F8: variants seen among roughly 807,000 people sequenced by gnomAD.
The protein encoded by F8 is coagulation factor VIII.
In F8, 12 loss-of-function variants were observed where a neutral mutation model predicts 140.6. The ratio of observed to expected loss-of-function variants is 0.09; its 90% confidence interval spans 0.05 to 0.14. The LOEUF (loss-of-function observed/expected upper bound fraction) is 0.14, where lower values mean the gene tolerates loss of function less well. F8 is among the 10% of genes least tolerant of loss of function. The probability of loss-of-function intolerance (pLI) is 1.00; values close to 1 mark genes in which losing one functional copy is unlikely to be tolerated. For missense variants in F8, 1,354 were observed against 1,720.7 expected, an observed-to-expected ratio of 0.79 and a Z score of 3.77; for synonymous variants, 585 against 614.6, an observed-to-expected ratio of 0.95 and a Z score of 0.71.
intron 5 of F8, among the ~76,000 whole-genome samples, chrX:154,986,779 C>A (rs1259316903): frequency 1.8e-5 from 2 of 110,964 alleles, no homozygotes; most frequent in Non-Finnish European, 3.8e-5. Context: ...GAGGAAGAGG[C>A]GGAGGTACTA....
intron 13 of F8, among the ~76,000 whole-genome samples, chrX:154,939,457 A>T (rs782163968): frequency 1.1e-3 from 123 of 112,448 alleles, no homozygotes; most frequent in African/African-American, 3.8e-3. Context: ...AGGTGGCAGC[A>T]AGGCTGGGGG....
Position 154,911,462 on chromosome X carries a change from C to A in F8, c.5220-4889G>T, listed in dbSNP as rs57179414. ...ATGTAAGTGAAAACGTGATATTTGT[C>A]TTTCTATGCCTGGCTTATTTCACTT... On this transcript the variant is annotated intron_variant, in intron 14 of 25. Coordinates refer to ENST00000360256, the MANE Select transcript of F8 (RefSeq NM_000132.4). Among the ~76,000 whole-genome samples the A allele has an allele frequency of 2.8e-3, 313 of 110,785 alleles. 3 individuals are homozygous for A. Among genetic ancestry groups the A allele is most frequent in the African/African-American group, 9.8e-3 (297 of 30,417 alleles).
At chrX:154,843,028 C>T (rs150693271) in intron 25 of F8, among the ~76,000 whole-genome samples, 95 of 111,474 alleles carry the variant, frequency 8.5e-4, no homozygotes, top group African/African-American at 2.8e-3. Flanking sequence ...TTCCCACCTA[C>T]GAGTGAGAAC....
chrX:154,907,919 T>C, intron 14 of F8, among the ~76,000 whole-genome samples: 1 of 111,802 alleles, frequency 8.9e-6, no homozygotes, highest in Non-Finnish European at 1.9e-5. Context: ...CTTTTCATTG[T>C]TTTTATGTTA....
chrX:154,881,824 C>T (rs2072864161), intron 22 of F8, among the ~76,000 whole-genome samples: 1 of 112,786 alleles, frequency 8.9e-6, no homozygotes, highest in African/African-American at 3.3e-5. Context: ...ACATCGTACT[C>T]AAAGTTCTAG....
At chrX:154,877,501 C>CT (rs367830915) in intron 22 of F8, among the ~76,000 whole-genome samples, 6 of 109,988 alleles carry the variant, frequency 5.5e-5, no homozygotes, top group Non-Finnish European at 1.1e-4. Flanking sequence ...TTTTCTTTTT[C>CT]TTTTTTTTTG....
intron 1 of F8, among the ~76,000 whole-genome samples, chrX:155,013,112 C>G (rs782764135): frequency 2.1e-3 from 199 of 96,939 alleles, no homozygotes; most frequent in African/African-American, 5.9e-3. Flanking sequence ...CACCACTGCA[C>G]TCCAGCCTGG....
chrX:154,918,305 C>G (rs932613617), intron 14 of F8, among the ~76,000 whole-genome samples: 3 of 111,140 alleles, frequency 2.7e-5, no homozygotes, highest in Non-Finnish European at 5.7e-5. Context: ...CATTTGGTGT[C>G]TTCTTTGGCT....
intron 1 of F8, among the ~76,000 whole-genome samples, chrX:155,004,803 A>G (rs1347710370): frequency 1.8e-5 from 2 of 111,869 alleles, no homozygotes; most frequent in African/African-American, 6.5e-5. Context: ...CACTACCCAG[A>G]AGCTACCCAC....
chrX:154,857,790 C>G (rs782437288), intron 25 of F8, among the ~76,000 whole-genome samples: 8 of 112,252 alleles, frequency 7.1e-5, no homozygotes, highest in Non-Finnish European at 1.5e-4. Context: ...TATTTATGTC[C>G]CATGTGAGTG....
chrX:154,957,267 T>G, intron 10 of F8, 96 bp from the exon 11 acceptor site: 2 of 688,611 alleles, frequency 2.9e-6, no homozygotes, highest in Non-Finnish European at 4.6e-6. Flanking sequence ...CAAATCTGTA[T>G]GTACATATGA....
At chrX:154,911,563 T>C (rs782075840) in intron 14 of F8, among the ~76,000 whole-genome samples, 1 of 111,960 alleles carries the variant, frequency 8.9e-6, no homozygotes, top group East Asian at 2.8e-4. Context: ...TGAGTAATAG[T>C]CTATTGTGTA....
chrX:155,006,281 A>G (rs1173098085), intron 1 of F8, among the ~76,000 whole-genome samples: 9 of 82,370 alleles, frequency 1.1e-4, no homozygotes, highest in African/African-American at 4.2e-4. Context: ...TTTCCGTGAA[A>G]AGGGTGGATG....
At chrX:154,996,334 A>G (rs2073617124) in intron 3 of F8, among the ~76,000 whole-genome samples, 1 of 112,325 alleles carries the variant, frequency 8.9e-6, no homozygotes, top group Admixed American at 9.4e-5. Context: ...AAAGGACAAG[A>G]CCAACACCCC....
At chrX:154,853,733 A>G (rs782085581) in intron 25 of F8, among the ~76,000 whole-genome samples, 12 of 111,715 alleles carry the variant, frequency 1.1e-4, no homozygotes, top group African/African-American at 3.9e-4. Context: ...TAATATGGGC[A>G]TTCTGTCTGA....
chrX:154,867,329 T>C (rs28823570), intron 22 of F8, among the ~76,000 whole-genome samples: 14,142 of 110,373 alleles, frequency 0.13, 794 homozygotes, highest in South Asian at 0.35. Flanking sequence ...CACTTCAAAA[T>C]ACAATTTATT....
At chrX:154,900,018 T>C (rs2073001821) in intron 20 of F8, 67 bp from the exon 21 acceptor site, 2 of 992,353 alleles carry the variant, frequency 2.0e-6, no homozygotes, top group East Asian at 6.2e-5. Context: ...GAGAATAAAA[T>C]TATTGTCTTG....
chrX:154,983,851 C>T (rs2073542939), intron 6 of F8, among the ~76,000 whole-genome samples: 1 of 112,292 alleles, frequency 8.9e-6, no homozygotes, highest in Non-Finnish European at 1.9e-5. Context: ...CTTCCTCCCT[C>T]ATTTGTCTCT....
At chrX:155,014,105 T>C (rs2073722921) in intron 1 of F8, among the ~76,000 whole-genome samples, 1 of 111,887 alleles carries the variant, frequency 8.9e-6, no homozygotes, top group African/African-American at 3.3e-5. Context: ...GGTGGATTTT[T>C]TCCCTGGGAA....
Sources: allele counts gnomAD v4.1 joint callset (sites outside exome capture counted in the v4.1 genomes callset), GRCh38; gene constraint gnomAD v4.1.1; transcripts MANE v1.5; gene names NCBI Gene and HGNC (gene_info 2026-07-23, HGNC 2026-07-21).